The following PPFIA1 variants were observed in gnomAD, a reference collection of about 807,000 sequenced individuals.
PPFIA1 encodes PPFI scaffold protein A1.
Under a neutral mutation model 149.9 loss-of-function variants are expected in PPFIA1, and 25 were observed. The ratio of observed to expected loss-of-function variants is 0.17; its 90% CI spans 0.12 to 0.23. PPFIA1 has a LOEUF of 0.23. PPFIA1 is among the 10% of genes least tolerant of loss of function. The pLI, the probability that PPFIA1 is intolerant of heterozygous loss-of-function variation, is 1.00. For missense variants in PPFIA1, 1,362 were observed against 1,506.5 expected, an observed-to-expected ratio of 0.90 and a Z score of 1.59; for synonymous variants, 549 against 552.8, an observed-to-expected ratio of 0.99 and a Z score of 0.10.
Position 70,319,650 on chromosome 11 carries a change from G to C in PPFIA1, c.265-4752G>C, listed in dbSNP as rs148677400. Among the ~76,000 whole-genome samples the C allele has an allele frequency of 1.2e-3, 183 of 152,176 alleles. 1 individual carries two copies. Among genetic ancestry groups the C allele is most frequent in the African/African-American group, 4.0e-3 (168 of 41,518 alleles). On this transcript the variant is annotated intron_variant, in intron 2 of 27. Coordinates refer to ENST00000253925, the MANE Select transcript of PPFIA1 (RefSeq NM_003626.5). ...CTTTACCAGTTTTGCCCCATTTTCT[G>C]TTCAGAGTCCTCAAAGCCTGTAGAT...
chr11:70,333,399 C>T, intron 9 of PPFIA1, 71 bp from the exon 10 acceptor site: 1 of 1,231,302 alleles, frequency 8.1e-7, no homozygotes. Context: ...CCTGTTGCCA[C>T]TGCAGTGGTA....
chr11:70,282,927 T>C (rs1284029003), intron 2 of PPFIA1, among the ~76,000 whole-genome samples: 3 of 148,744 alleles, frequency 2.0e-5, no homozygotes, highest in Non-Finnish European at 4.5e-5. Flanking sequence ...GCAACCTCCA[T>C]GTCCCAGGTT....
chr11:70,273,344 C>T (rs1248691239), intron 2 of PPFIA1, among the ~76,000 whole-genome samples: 2 of 152,080 alleles, frequency 1.3e-5, no homozygotes, highest in East Asian at 3.8e-4. Flanking sequence ...AAAGACTTTG[C>T]TCATGGAGTT....
chr11:70,299,730 G>A (rs2052347136), intron 2 of PPFIA1, among the ~76,000 whole-genome samples: 2 of 151,838 alleles, frequency 1.3e-5, no homozygotes. Flanking sequence ...CTCCCCTGCT[G>A]CCACTCAGAG....
At chr11:70,382,498 TCTC>T (rs1170532956) in intron 27 of PPFIA1, among the ~76,000 whole-genome samples, 2 of 152,088 alleles carry the variant, frequency 1.3e-5, no homozygotes, top group African/African-American at 4.8e-5. Flanking sequence ...GGGGAGAGTC[TCTC>T]CTCCTGACGT....
chr11:70,350,558 A>G (rs1257037726), intron 16 of PPFIA1, among the ~76,000 whole-genome samples: 1 of 152,240 alleles, frequency 6.6e-6, no homozygotes, highest in African/African-American at 2.4e-5. Context: ...ATTTTACATT[A>G]ATGTCCAACA....
Position 70,348,274 on chromosome 11 carries a change from G to A in PPFIA1, c.2017G>A (p.Gly673Ser). The change falls in exon 16 of 28, where the codon GGT (glycine) becomes AGT (serine). Residue 673 changes from glycine (G) to serine (S), a missense_variant. By Grantham distance (56) the Gly-to-Ser change is moderately conservative. This residue lies in a region of PPFIA1 where 733 missense variants were observed against 744.1 expected (regional missense o/e 0.99). Coordinates refer to ENST00000253925, the MANE Select transcript of PPFIA1 (RefSeq NM_003626.5). Reference sequence around the variant, plus strand: ...TGGCAGTGGAAGTCTAGACAATCTTGGTCGTTTTAGATCAATGAGCTCCAT... The same window carrying A: ...TGGCAGTGGAAGTCTAGACAATCTTAGTCGTTTTAGATCAATGAGCTCCAT... The part of the protein sequence containing the change: ...RVGSGSLDNL[G>S]RFRSMSSIPP... 1 of 1,614,202 alleles carries A rather than the reference G, an allele frequency of 6.2e-7. No individual in the cohort carries two copies. The highest frequency in any genetic ancestry group is 8.5e-7 in the Non-Finnish European group (1 of 1,180,034).
chr11:70,272,126 C>G lies in PPFIA1; in HGVS notation c.1-47C>G, dbSNP rs1236877603. ...CTGTAAAGTTGCATATTTGTGGGAA[C>G]CTGTATTCTGAGCTTAATTACTGTA... On this transcript the variant is annotated intron_variant, in intron 1 of 27. Transcript: ENST00000253925. The G allele has an allele frequency of 8.8e-6, 14 of 1,582,374 alleles. No individual in the cohort carries two copies. In the East Asian group the frequency reaches 2.2e-4, roughly 25 times the overall value.
rs548913862 is a variant in PPFIA1, at chr11:70,328,494, G to A, written c.930+1676G>A. ...GAGTCTATCATTGATGGGCATTTAG[G>A]TTGATTCCTTGTCTTTGCTGTTGTG... On this transcript the variant is annotated intron_variant, in intron 7 of 27. Coordinates refer to ENST00000253925, the MANE Select transcript of PPFIA1 (RefSeq NM_003626.5). 1.1e-4 allele frequency among the ~76,000 whole-genome samples: 16 copies of A among 152,196 alleles called. No homozygotes were observed. The East Asian group carries it at 2.7e-3, about 26-fold the overall frequency.
intron 9 of PPFIA1, among the ~76,000 whole-genome samples, chr11:70,332,342 G>C (rs577800421): frequency 6.6e-6 from 1 of 152,164 alleles, no homozygotes; most frequent in Admixed American, 6.5e-5. Flanking sequence ...TGATCTGAGA[G>C]TTACTGCTTC....
At chr11:70,342,588 C>T (rs552340609) in intron 14 of PPFIA1, among the ~76,000 whole-genome samples, 2 of 152,296 alleles carry the variant, frequency 1.3e-5, no homozygotes, top group Non-Finnish European at 2.9e-5. Context: ...TTTCCTCGTT[C>T]GAGCTTGGTA....
In PPFIA1 at chr11:70,354,546, A is replaced by AT. The variant is rs370302977; in HGVS notation, c.2315+98dup. The AT allele has an allele frequency of 8.3e-5, 108 of 1,305,254 alleles. 1 individual carries two copies. In the African/African-American group the frequency reaches 1.3e-3, roughly 16 times the overall value. The allele number at this position is 1,305,254 out of a possible 1,614,324, so 80.9% of individuals were successfully genotyped here. The stretch of plus-strand genomic sequence containing the variant: ...AAATCTTTCCTTGAGTAAAACAGTG[A>AT]TTTTGTAGAATTACCCATTAATTCA... On this transcript the variant is annotated intron_variant, in intron 17 of 27. Transcript: ENST00000253925.
chr11:70,374,905 T>C lies in PPFIA1; in HGVS notation c.3140-13T>C, dbSNP rs201693053. On this transcript the variant is annotated splice_polypyrimidine_tract_variant and intron_variant, in intron 23 of 27. Transcript: ENST00000253925. ...CTGAAGCCACTTTTATAATTGTCTT[T>C]ATTCTTTTGCAGACGTGCTTGTTTG... The C allele has an allele frequency of 3.5e-3, 5,554 of 1,609,572 alleles. 21 individuals are homozygous for C. The highest frequency in any genetic ancestry group is 4.1e-3 in the Non-Finnish European group (4,795 of 1,178,424).
chr11:70,288,454 G>A (rs1052884270), intron 2 of PPFIA1, among the ~76,000 whole-genome samples: 2 of 152,142 alleles, frequency 1.3e-5, no homozygotes, highest in African/African-American at 4.8e-5. Flanking sequence ...CACTGCCTGA[G>A]GTGTGATTGC....
chr11:70,345,737 G>A (rs2055652005), intron 15 of PPFIA1, among the ~76,000 whole-genome samples: 1 of 152,186 alleles, frequency 6.6e-6, no homozygotes, highest in African/African-American at 2.4e-5. Context: ...TGAGGCGGGA[G>A]GATCCCTTGA....
At chr11:70,342,619 G>A (rs1317841231) in intron 14 of PPFIA1, among the ~76,000 whole-genome samples, 4 of 152,026 alleles carry the variant, frequency 2.6e-5, no homozygotes, top group Non-Finnish European at 5.9e-5. Flanking sequence ...CAGGTAGGGC[G>A]GGATGTGGAC....
At chr11:70,295,334 AC>A (rs1167623697) in intron 2 of PPFIA1, among the ~76,000 whole-genome samples, 975 of 73,838 alleles carry the variant, frequency 0.013, 52 homozygotes, top group Non-Finnish European at 0.02. Context: ...CGGGGGGCTG[AC>A]CCCCCCCACC....
intron 25 of PPFIA1, among the ~76,000 whole-genome samples, chr11:70,377,825 A>G (rs2057547704): frequency 6.6e-6 from 1 of 152,212 alleles, no homozygotes; most frequent in Admixed American, 6.5e-5. Flanking sequence ...TCGCCAGCTG[A>G]GGCCCAGCCG....
At chr11:70,326,175 T>G (rs1294054370) in intron 5 of PPFIA1, 87 bp from the exon 6 acceptor site, 10 of 752,606 alleles carry the variant, frequency 1.3e-5, no homozygotes, top group Non-Finnish European at 2.2e-5. Flanking sequence ...AGTTTTTAGT[T>G]GTGTTTTTCC....
Sources: allele counts gnomAD v4.1 joint callset (sites outside exome capture counted in the v4.1 genomes callset), GRCh38; gene constraint gnomAD v4.1.1; regional missense constraint gnomAD v4.1.1; transcripts MANE v1.5; gene names NCBI Gene and HGNC (gene_info 2026-07-23, HGNC 2026-07-21).